DPY19L4: variants seen among roughly 807,000 people sequenced by gnomAD.
The protein encoded by DPY19L4 is probable C-mannosyltransferase DPY19L4.
Under a neutral mutation model 102.8 loss-of-function variants are expected in DPY19L4, and 97 were observed. That is an observed-to-expected ratio of 0.94 (90% CI 0.80 to 1.12). DPY19L4 has a LOEUF of 1.12. DPY19L4 is among the 50% of genes most tolerant of loss of function. DPY19L4 has a pLI of 0.00. For missense variants in DPY19L4, 815 were observed against 850.4 expected (o/e 0.96, Z 0.52); for synonymous variants, 252 against 283.1 (o/e 0.89, Z 1.10).
chr8:94,765,333 T>G lies in DPY19L4; in HGVS notation c.1002+19T>G. 2.5e-6 allele frequency: 4 copies of G among 1,584,862 alleles called. No individual in the cohort carries two copies. Among genetic ancestry groups the G allele is most frequent in the Non-Finnish European group, 3.4e-6 (4 of 1,172,484 alleles). ...CCTTCAGGTAACTAGAATTATCTTT[T>G]TATTGTTCTTATTTTGATTTTTTTT... On this transcript the variant is annotated intron_variant, in intron 9 of 18. Coordinates refer to ENST00000414645, the MANE Select transcript of DPY19L4 (RefSeq NM_181787.3).
chr8:94,751,873 G>C (rs1023264092), intron 6 of DPY19L4, among the ~76,000 whole-genome samples: 6 of 152,136 alleles, frequency 3.9e-5, no homozygotes, highest in Admixed American at 3.3e-4. Flanking sequence ...ACTTTTTGGT[G>C]GTGGGGCTCC....
At chr8:94,753,904 G>C (rs766686388) in intron 6 of DPY19L4, among the ~76,000 whole-genome samples, 2 of 151,942 alleles carry the variant, frequency 1.3e-5, no homozygotes, top group South Asian at 4.2e-4. Context: ...TTGTGCTACC[G>C]GGCGTGGTAG....
chr8:94,775,742 T>C (rs1343064772), intron 13 of DPY19L4, among the ~76,000 whole-genome samples: 1 of 152,248 alleles, frequency 6.6e-6, no homozygotes, highest in African/African-American at 2.4e-5. Context: ...CACCAGGGAA[T>C]ATATCATAGA....
intron 18 of DPY19L4, among the ~76,000 whole-genome samples, chr8:94,788,880 A>G (rs554449304): frequency 1.3e-5 from 2 of 152,316 alleles, no homozygotes; most frequent in South Asian, 4.1e-4. Context: ...CTTATCCAAG[A>G]TCAGTTTGGA....
At chr8:94,767,968 G>T (rs182452205) in intron 11 of DPY19L4, among the ~76,000 whole-genome samples, 1 of 151,846 alleles carries the variant, frequency 6.6e-6, no homozygotes, top group Non-Finnish European at 1.5e-5. Context: ...GGTGTATTTT[G>T]TACTTAAAGT....
intron 6 of DPY19L4, among the ~76,000 whole-genome samples, chr8:94,747,008 AAAC>A (rs1264985306): frequency 1.4e-5 from 2 of 148,002 alleles, no homozygotes; most frequent in Non-Finnish European, 1.5e-5. Flanking sequence ...AGTCTACTAC[AAAC>A]AATTTTTTTT....
intron 6 of DPY19L4, among the ~76,000 whole-genome samples, chr8:94,749,955 GT>G (rs1563588532): frequency 6.6e-6 from 1 of 152,112 alleles, no homozygotes; most frequent in African/African-American, 2.4e-5. Flanking sequence ...ATTGGTTCAT[GT>G]TTTTTGTTTG....
chr8:94,727,561 A>G (rs1176386096), intron 2 of DPY19L4, among the ~76,000 whole-genome samples: 1 of 152,218 alleles, frequency 6.6e-6, no homozygotes, highest in Non-Finnish European at 1.5e-5. Flanking sequence ...ATAGCAAATA[A>G]TATAAAACAA....
At position 94,756,126 on chromosome 8, in the gene DPY19L4, C is replaced by T; in HGVS notation, c.702C>T (p.Gly234=). Residue 234 remains glycine, a synonymous_variant, in exon 7 of 19, where the codon GGC becomes GGT. Transcript: ENST00000414645. ...CATGCCAAATTGCTGCACTTACAGG[C>T]TATTTAAAAAGCAACTTAAATACTT... ...YFACQIAALT[G]YLKSNLNTYG... is the part of the protein sequence containing the mutation. 1 of 1,613,698 alleles carries T rather than the reference C, an allele frequency of 6.2e-7. No individual in the cohort carries two copies. Among genetic ancestry groups the T allele is most frequent in the Non-Finnish European group, 8.5e-7 (1 of 1,179,832 alleles).
At position 94,765,294 on chromosome 8, in the gene DPY19L4, A is replaced by T; in HGVS notation, c.982A>T (p.Met328Leu). 6.2e-7 allele frequency: 1 copy of T among 1,601,624 alleles called. No homozygotes were observed. Residue 328 changes from methionine to leucine, a missense_variant, in exon 9 of 19, where the codon ATG becomes TTG. By Grantham distance (15) the Met-to-Leu change is conservative (BLOSUM62 2). Transcript: ENST00000414645. ...SPLLSLVAALMLAKCLQLNVK... is the reference protein window; with the variant it reads ...SPLLSLVAALLLAKCLQLNVK... Reference sequence around the variant, plus strand: ...TTTATTAAGTTTAGTAGCAGCCTTAATGCTTGCTAAGTGCCTTCAGGTAAC... The same window carrying T: ...TTTATTAAGTTTAGTAGCAGCCTTATTGCTTGCTAAGTGCCTTCAGGTAAC...
chr8:94,745,979 A>C (rs1811652494), intron 6 of DPY19L4, among the ~76,000 whole-genome samples: 1 of 148,484 alleles, frequency 6.7e-6, no homozygotes, highest in African/African-American at 2.5e-5. Context: ...GTCTCAAACT[A>C]CCGACCTCAG....
chr8:94,728,314 T>C (rs1327369673), intron 2 of DPY19L4, among the ~76,000 whole-genome samples: 1 of 152,246 alleles, frequency 6.6e-6, no homozygotes, highest in Non-Finnish European at 1.5e-5. Flanking sequence ...GGATATCCCC[T>C]TACTCTGGGA....
chr8:94,757,754 T>G (rs1812224412), intron 7 of DPY19L4, among the ~76,000 whole-genome samples: 2 of 152,146 alleles, frequency 1.3e-5, no homozygotes, highest in South Asian at 4.1e-4. Flanking sequence ...TGATTGAATA[T>G]TTTCCTGTTT....
At chr8:94,770,973 G>A (rs1162429014) in intron 13 of DPY19L4, among the ~76,000 whole-genome samples, 1 of 150,984 alleles carries the variant, frequency 6.6e-6, no homozygotes, top group South Asian at 2.1e-4. Context: ...GGAGTGCAGT[G>A]GTGCAATCTC....
chr8:94,780,307 C>A, intron 14 of DPY19L4, 52 bp from the exon 15 acceptor site: 4 of 1,320,322 alleles, frequency 3.0e-6, no homozygotes, highest in Non-Finnish European at 4.0e-6. Context: ...TTACCTCTAA[C>A]GTGTGTTCTG....
intron 17 of DPY19L4, among the ~76,000 whole-genome samples, chr8:94,784,712 G>A (rs1199696101): frequency 2.0e-5 from 3 of 152,198 alleles, no homozygotes; most frequent in African/African-American, 4.8e-5. Flanking sequence ...ATACAGGCGT[G>A]AGCCACCGTG....
intron 6 of DPY19L4, among the ~76,000 whole-genome samples, chr8:94,754,441 A>T (rs1586363429): frequency 6.6e-6 from 1 of 152,116 alleles, no homozygotes; most frequent in Non-Finnish European, 1.5e-5. Flanking sequence ...GATTATTTGC[A>T]AACAATTCAG....
intron 6 of DPY19L4, among the ~76,000 whole-genome samples, chr8:94,743,982 G>A (rs749740112): frequency 6.6e-6 from 1 of 152,192 alleles, no homozygotes; most frequent in Non-Finnish European, 1.5e-5. Context: ...CTCCAGCCAG[G>A]GTGACAGAGT....
At chr8:94,730,546 G>C (rs1810900212) in intron 2 of DPY19L4, among the ~76,000 whole-genome samples, 1 of 151,606 alleles carries the variant, frequency 6.6e-6, no homozygotes. Flanking sequence ...GGGAGTTTGA[G>C]ACCAGCCTGA....
Sources: gnomAD v4.1 joint callset for allele counts (sites outside exome capture counted in the v4.1 genomes callset) on GRCh38, gnomAD v4.1.1 for gene constraint, MANE v1.5 for transcripts, NCBI Gene and HGNC (gene_info 2026-07-23, HGNC 2026-07-21) for gene names.